ARHGAP24: variants seen among roughly 807,000 people sequenced by gnomAD.
ARHGAP24 encodes the protein rho GTPase-activating protein 24.
In ARHGAP24, 50 loss-of-function variants were observed where a neutral mutation model predicts 76.4. The ratio of observed to expected loss-of-function variants is 0.65; its 90% CI spans 0.52 to 0.83. ARHGAP24 has a LOEUF of 0.83. Among genes scored for constraint, ARHGAP24 ranks in the 40% least tolerant of loss-of-function variants. ARHGAP24 has a pLI of 0.00. For missense variants in ARHGAP24, 930 were observed against 914.2 expected (o/e 1.02, Z -0.22); for synonymous variants, 345 against 323.3 (o/e 1.07, Z -0.72).
intron 2 of ARHGAP24, among the ~76,000 whole-genome samples, chr4:85,657,513 G>A (rs1378922013): frequency 6.6e-6 from 1 of 152,084 alleles, no homozygotes; most frequent in Admixed American, 6.5e-5. Context: ...TATCTAGCCA[G>A]CAATGACACT....
chr4:85,829,534 A>C (rs1442054384), intron 3 of ARHGAP24, among the ~76,000 whole-genome samples: 1 of 152,218 alleles, frequency 6.6e-6, no homozygotes, highest in Non-Finnish European at 1.5e-5. Flanking sequence ...TAACACTGTA[A>C]TGCTTTCTAT....
At chr4:85,553,864 A>T (rs938946759) in intron 1 of ARHGAP24, among the ~76,000 whole-genome samples, 4 of 152,098 alleles carry the variant, frequency 2.6e-5, no homozygotes, top group African/African-American at 9.7e-5. Flanking sequence ...TGGTGTTGGT[A>T]AATGGTTATT....
intron 3 of ARHGAP24, among the ~76,000 whole-genome samples, chr4:85,869,720 T>A (rs1732417860): frequency 1.3e-5 from 2 of 152,206 alleles, no homozygotes; most frequent in Non-Finnish European, 2.9e-5. Flanking sequence ...CAAAATGATC[T>A]TGTTAAAGGC....
chr4:85,691,162 T>C (rs1489713346), intron 2 of ARHGAP24, among the ~76,000 whole-genome samples: 1 of 152,160 alleles, frequency 6.6e-6, no homozygotes, highest in African/African-American at 2.4e-5. Context: ...TTTTCAGATA[T>C]CTTCTTGATT....
At chr4:85,644,630 A>T (rs748835051) in intron 2 of ARHGAP24, among the ~76,000 whole-genome samples, 1 of 152,150 alleles carries the variant, frequency 6.6e-6, no homozygotes, top group Non-Finnish European at 1.5e-5. Flanking sequence ...AATTGTTAAG[A>T]TTACAAGGAT....
Position 85,756,081 on chromosome 4 carries a change from G to A in ARHGAP24, c.268+34109G>A, listed in dbSNP as rs558650884. The stretch of plus-strand genomic sequence containing the variant: ...ACAATACATTGATCATCAATGTATT[G>A]TAATGTATGTATCATTATGTATCAA... On this transcript the variant is annotated intron_variant, in intron 3 of 9. Transcript: ENST00000395184. 1.1e-4 allele frequency among the ~76,000 whole-genome samples: 16 copies of A among 152,156 alleles called. 1 individual carries two copies. The South Asian group carries it at 3.3e-3, about 32-fold the overall frequency.
intron 2 of ARHGAP24, among the ~76,000 whole-genome samples, chr4:85,649,585 G>A (rs778137521): frequency 1.3e-5 from 2 of 152,122 alleles, no homozygotes; most frequent in Non-Finnish European, 2.9e-5. Flanking sequence ...CCATTAGAAA[G>A]TCCTTGACTC....
intron 2 of ARHGAP24, among the ~76,000 whole-genome samples, chr4:85,584,634 G>A (rs113644181): frequency 0.014 from 2,139 of 152,012 alleles, 59 homozygotes; most frequent in African/African-American, 0.049. Flanking sequence ...CTAGCAATTG[G>A]CAAAACGAGG....
At chr4:85,742,017 G>T (rs1725844399) in intron 3 of ARHGAP24, among the ~76,000 whole-genome samples, 1 of 152,234 alleles carries the variant, frequency 6.6e-6, no homozygotes, top group South Asian at 2.1e-4. Flanking sequence ...CTATTTGCCA[G>T]AGTGGGGGAG....
chr4:85,743,748 A>G (rs1025721655), intron 3 of ARHGAP24, among the ~76,000 whole-genome samples: 1 of 152,182 alleles, frequency 6.6e-6, no homozygotes, highest in South Asian at 2.1e-4. Flanking sequence ...CAACGACTCT[A>G]TGTTATCCTG....
chr4:85,950,473 C>A (rs1192138606), intron 5 of ARHGAP24, among the ~76,000 whole-genome samples: 1 of 151,908 alleles, frequency 6.6e-6, no homozygotes, highest in Non-Finnish European at 1.5e-5. Flanking sequence ...GGCACTTCAG[C>A]CTCGGTGGCA....
At chr4:85,925,631 AT>A (rs1161317701) in intron 4 of ARHGAP24, among the ~76,000 whole-genome samples, 2 of 152,174 alleles carry the variant, frequency 1.3e-5, no homozygotes, top group African/African-American at 4.8e-5. Flanking sequence ...GAATATTGTT[AT>A]TGTTGTTAAT....
chr4:85,724,316 T>C (rs1725074155), intron 3 of ARHGAP24, among the ~76,000 whole-genome samples: 1 of 152,096 alleles, frequency 6.6e-6, no homozygotes, highest in Admixed American at 6.6e-5. Context: ...TAGGAGAGGA[T>C]TACATATTTT....
At position 85,784,957 on chromosome 4, in the gene ARHGAP24, ATCTC is replaced by A. The variant is rs1389909158; in HGVS notation, c.268+62989_268+62992del. 8.8e-4 allele frequency among the ~76,000 whole-genome samples: 103 copies of A among 117,518 alleles called. 1 individual carries two copies. Among genetic ancestry groups the A allele is most frequent in the Admixed American group, 2.3e-3 (26 of 11,362 alleles). 77.1% of individuals were successfully genotyped at this position (117,518 alleles called of 152,430 possible). ...TATCTATCTATCTATCTATCTATCT[ATCTC>A]TCTATCTCTCTATCTGCTTTCCTAT... is the stretch of plus-strand genomic sequence containing the variant. On this transcript the variant is annotated intron_variant, in intron 3 of 9. Coordinates refer to ENST00000395184, the MANE Select transcript of ARHGAP24 (RefSeq NM_001025616.3).
intron 3 of ARHGAP24, among the ~76,000 whole-genome samples, chr4:85,852,444 A>T (rs1004894630): frequency 2.0e-5 from 3 of 152,112 alleles, no homozygotes; most frequent in Non-Finnish European, 4.4e-5. Context: ...CTGAAGCCTA[A>T]TTCTGTCAAC....
At chr4:85,924,309 T>A (rs1414257721) in intron 4 of ARHGAP24, among the ~76,000 whole-genome samples, 2 of 151,998 alleles carry the variant, frequency 1.3e-5, no homozygotes, top group East Asian at 3.8e-4. Flanking sequence ...GAATGCACCA[T>A]GTCAAGAACG....
At chr4:85,894,979 A>C (rs919870895) in intron 3 of ARHGAP24, among the ~76,000 whole-genome samples, 1 of 62,528 alleles carries the variant, frequency 1.6e-5, no homozygotes, top group Non-Finnish European at 2.8e-5. Context: ...AAAAAAAAAA[A>C]AAAAAAAAAC....
At chr4:85,776,563 T>C (rs1292071588) in intron 3 of ARHGAP24, among the ~76,000 whole-genome samples, 1 of 152,196 alleles carries the variant, frequency 6.6e-6, no homozygotes, top group East Asian at 1.9e-4. Context: ...CCATGGATTT[T>C]GAAGTAGGTT....
chr4:85,881,757 A>G (rs1381961830), intron 3 of ARHGAP24, among the ~76,000 whole-genome samples: 1 of 152,194 alleles, frequency 6.6e-6, no homozygotes, highest in Non-Finnish European at 1.5e-5. Flanking sequence ...GATAATACAC[A>G]TAGGAACCAA....
Sources: gnomAD v4.1 joint callset for allele counts (sites outside exome capture counted in the v4.1 genomes callset) on GRCh38, gnomAD v4.1.1 for gene constraint, MANE v1.5 for transcripts, NCBI Gene and HGNC (gene_info 2026-07-23, HGNC 2026-07-21) for gene names.